Variants in ERG observed in about 807,000 individuals in gnomAD.
ERG encodes the protein transcriptional regulator ERG.
Under a neutral mutation model 55.3 loss-of-function variants are expected in ERG, and 9 were observed. The observed-to-expected ratio is 0.16, with a 90% CI of 0.10 to 0.28. The LOEUF is 0.28. ERG is among the 10% of genes least tolerant of loss of function. ERG has a pLI of 1.00. For missense variants in ERG, 434 were observed against 631.6 expected (o/e 0.69, Z 3.35); for synonymous variants, 223 against 237.3 (o/e 0.94, Z 0.55).
chr21:38,472,470 A>C (rs955767701), intron 1 of ERG, among the ~76,000 whole-genome samples: 3 of 152,190 alleles, frequency 2.0e-5, no homozygotes, highest in African/African-American at 7.2e-5. Flanking sequence ...ATAAAGACAG[A>C]GGTTGTGTCC....
At chr21:38,491,361 T>A (rs2898353) in intron 1 of ERG, among the ~76,000 whole-genome samples, 54,974 of 151,978 alleles carry the variant, frequency 0.36, 11,638 homozygotes, top group African/African-American at 0.6. Flanking sequence ...GCTGATTCTG[T>A]ATCAATACTT....
intron 2 of ERG, among the ~76,000 whole-genome samples, chr21:38,426,870 C>T (rs914544145): frequency 4.6e-5 from 7 of 150,920 alleles, no homozygotes; most frequent in African/African-American, 1.7e-4. Flanking sequence ...GCGGAGGTTG[C>T]GGTGAGCCAA....
At chr21:38,405,578 AAGGTTC>A (rs1163662186) in intron 3 of ERG, among the ~76,000 whole-genome samples, 1 of 152,290 alleles carries the variant, frequency 6.6e-6, no homozygotes, top group East Asian at 1.9e-4. Context: ...ATGAGCAGCC[AAGGTTC>A]AGATCATCTT....
the ERG span, among the ~76,000 whole-genome samples, chr21:38,372,571 T>C: frequency 2.6e-5 from 4 of 152,160 alleles, no homozygotes; most frequent in South Asian, 8.3e-4. Flanking sequence ...TACATTGTAA[T>C]TTCTTTTTTG....
In ERG at chr21:38,596,055, T is replaced by TGG. The variant is rs1568938862; in HGVS notation, c.-149-11111_-149-11110insCC. On this transcript the variant is annotated intron_variant, in intron 1 of 10. Coordinates refer to the ERG transcript ENST00000398910. The stretch of plus-strand genomic sequence containing the variant: ...TCTCTATATAAAAATTGGTGTGGGA[T>TGG]TGGGGGGGGGGGGTCTCTTTTTATA... Among the ~76,000 whole-genome samples the TGG allele has an allele frequency of 3.4e-4, 35 of 103,644 alleles. 2 individuals carry two copies. Among genetic ancestry groups the TGG allele is most frequent in the African/African-American group, 1.5e-3 (34 of 22,640 alleles). The allele number at this position is 103,644 out of a possible 152,430, so 68.0% of individuals were successfully genotyped here.
intron 2 of ERG, among the ~76,000 whole-genome samples, chr21:38,521,354 G>A (rs1203212204): frequency 6.6e-6 from 1 of 152,162 alleles, no homozygotes; most frequent in Non-Finnish European, 1.5e-5. Context: ...GCACAGAGAA[G>A]TTACGTCTCT....
intron 2 of ERG, among the ~76,000 whole-genome samples, chr21:38,438,053 G>A (rs970179857): frequency 2.6e-5 from 4 of 152,132 alleles, no homozygotes; most frequent in South Asian, 2.1e-4. Context: ...CAGCAGCCAC[G>A]ATGGCCTGCT....
At chr21:38,469,994 A>G (rs990950662) in intron 1 of ERG, among the ~76,000 whole-genome samples, 6 of 152,166 alleles carry the variant, frequency 3.9e-5, no homozygotes, top group South Asian at 2.1e-4. Context: ...ATGTACTCCT[A>G]TGGTTTATGC....
chr21:38,515,035 C>T (rs543330918), intron 2 of ERG, among the ~76,000 whole-genome samples: 22 of 151,988 alleles, frequency 1.4e-4, no homozygotes, highest in African/African-American at 4.6e-4. Context: ...TAACATAATA[C>T]GTGCAGAACC....
intron 2 of ERG, among the ~76,000 whole-genome samples, chr21:38,531,221 A>T (rs917807353): frequency 1.3e-5 from 2 of 152,212 alleles, no homozygotes; most frequent in Admixed American, 6.5e-5. Context: ...AGGCGTCATT[A>T]TTCAAAGTGA....
At chr21:38,651,800 C>T (rs1396729463) in intron 1 of ERG, among the ~76,000 whole-genome samples, 2 of 152,160 alleles carry the variant, frequency 1.3e-5, no homozygotes, top group Admixed American at 6.6e-5. Flanking sequence ...CAGCAGAGTC[C>T]CATGGGTGGA....
intron 1 of ERG, among the ~76,000 whole-genome samples, chr21:38,636,758 A>G (rs1391293449): frequency 1.3e-5 from 2 of 152,186 alleles, no homozygotes; most frequent in Admixed American, 6.5e-5. Flanking sequence ...TGCGGCCCAC[A>G]GCCTGACAGG....
chr21:38,493,956 A>T (rs1163181860), intron 1 of ERG, among the ~76,000 whole-genome samples: 3 of 152,184 alleles, frequency 2.0e-5, no homozygotes, highest in African/African-American at 7.2e-5. Context: ...CCTGAAAGAC[A>T]ATACGGTAGA....
At chr21:38,653,559 C>T (rs1338476675) in intron 1 of ERG, among the ~76,000 whole-genome samples, 1 of 152,210 alleles carries the variant, frequency 6.6e-6, no homozygotes, top group African/African-American at 2.4e-5. Flanking sequence ...TTCAGCTAAA[C>T]TTAGCTATTT....
At chr21:38,659,140 CT>C (rs1348652364) in intron 1 of ERG, among the ~76,000 whole-genome samples, 1 of 152,144 alleles carries the variant, frequency 6.6e-6, no homozygotes, top group Non-Finnish European at 1.5e-5. Context: ...ATTCAGTGTA[CT>C]TTCCAAAAGC....
At chr21:38,532,034 T>C (rs2059675957) in intron 2 of ERG, among the ~76,000 whole-genome samples, 11 of 152,150 alleles carry the variant, frequency 7.2e-5, no homozygotes, top group Admixed American at 7.2e-4. Flanking sequence ...AGTCAAATTG[T>C]GTTGGTGTAT....
At chr21:38,657,279 C>G (rs562245390) in intron 1 of ERG, among the ~76,000 whole-genome samples, 31 of 152,280 alleles carry the variant, frequency 2.0e-4, no homozygotes, top group African/African-American at 7.5e-4. Flanking sequence ...GATAGCCAAA[C>G]CCCTTACTTT....
intron 2 of ERG, among the ~76,000 whole-genome samples, chr21:38,425,566 T>A (rs1237343482): frequency 6.6e-6 from 1 of 152,218 alleles, no homozygotes; most frequent in African/African-American, 2.4e-5. Flanking sequence ...TAGGGTCTGT[T>A]GTCTAAGGCG....
At chr21:38,453,511 G>A (rs1312272208) in intron 1 of ERG, among the ~76,000 whole-genome samples, 1 of 152,226 alleles carries the variant, frequency 6.6e-6, no homozygotes, top group Non-Finnish European at 1.5e-5. Context: ...GGGACTCTTT[G>A]CCCTGGCAAA....
Sources: gnomAD v4.1 joint callset for allele counts (sites outside exome capture counted in the v4.1 genomes callset) on GRCh38, gnomAD v4.1.1 for gene constraint, MANE v1.5 for transcripts, NCBI Gene and HGNC (gene_info 2026-07-23, HGNC 2026-07-21) for gene names.